Variants in HIP1 observed in about 807,000 individuals in gnomAD.
HIP1 encodes huntingtin-interacting protein 1.
HIP1 carries 65 observed loss-of-function variants against 147.6 expected under a neutral mutation model. The ratio of observed to expected loss-of-function variants is 0.44; its 90% CI spans 0.36 to 0.54. The LOEUF (loss-of-function observed/expected upper bound fraction) is 0.54. Among genes scored for constraint, HIP1 ranks in the 20% least tolerant of loss-of-function variants. The probability of loss-of-function intolerance (pLI) is 0.00; values close to 1 mark genes in which losing one functional copy is unlikely to be tolerated. For missense variants in HIP1, 1,061 were observed against 1,299.6 expected, an observed-to-expected ratio of 0.82 and a Z score of 2.82; for synonymous variants, 479 against 504.0, an observed-to-expected ratio of 0.95 and a Z score of 0.67.
At chr7:75,658,616 G>A (rs548817542) in intron 1 of HIP1, among the ~76,000 whole-genome samples, 5 of 152,014 alleles carry the variant, frequency 3.3e-5, no homozygotes, top group South Asian at 4.2e-4. Context: ...CAGGAAAAAG[G>A]CTGTTAAAAC....
chr7:75,727,973 A>C (rs79044350), intron 1 of HIP1, among the ~76,000 whole-genome samples: 7,795 of 152,184 alleles, frequency 0.051, 203 homozygotes, highest in Middle Eastern at 0.069. Flanking sequence ...ATTTGGGGCC[A>C]GACAAGCCAG....
At chr7:75,570,661 G>T (rs1322805955) in intron 8 of HIP1, among the ~76,000 whole-genome samples, 1 of 152,012 alleles carries the variant, frequency 6.6e-6, no homozygotes, top group South Asian at 2.1e-4. Flanking sequence ...AGAACTCTCG[G>T]TACTATTTTT....
chr7:75,541,530 CAAAA>C (rs200417654), intron 29 of HIP1, among the ~76,000 whole-genome samples: 1 of 117,960 alleles, frequency 8.5e-6, no homozygotes. Flanking sequence ...GACTCCGTCT[CAAAA>C]AAAAAAAAAA....
intron 9 of HIP1, among the ~76,000 whole-genome samples, chr7:75,566,619 C>T (rs1237354712): frequency 3.3e-5 from 5 of 151,354 alleles, no homozygotes; most frequent in South Asian, 2.1e-4. Flanking sequence ...GAGGTGCTTC[C>T]GCCCTTTCCC....
chr7:75,733,523 G>A (rs1236289398), intron 1 of HIP1: 1 of 152,232 alleles, frequency 6.6e-6, no homozygotes, highest in Non-Finnish European at 1.5e-5. Context: ...CACACCAAGG[G>A]TCTGGTTGGA....
At chr7:75,558,371 C>G in intron 14 of HIP1, 116 bp from the exon 15 acceptor site, 1 of 805,162 alleles carries the variant, frequency 1.2e-6, no homozygotes, top group Non-Finnish European at 2.1e-6. Context: ...CAGTCTTGCT[C>G]TGTCACCCAG....
Position 75,729,422 on chromosome 7 carries a change from G to A in HIP1, c.120+9379C>T, listed in dbSNP as rs1001899497. ...GAATCACTTGAGCCCAGGAATTCGA[G>A]GCTGCAGTGAGCTATGATCGCATCA... On this transcript the variant is annotated intron_variant, in intron 1 of 30. Transcript: ENST00000336926. Among the ~76,000 whole-genome samples, 6 of 151,806 alleles carry A rather than the reference G, an allele frequency of 4.0e-5. No homozygotes were observed. The East Asian group carries it at 1.2e-3, about 29-fold the overall frequency.
chr7:75,642,573 G>T (rs1362756959), intron 1 of HIP1, among the ~76,000 whole-genome samples: 1 of 152,044 alleles, frequency 6.6e-6, no homozygotes, highest in East Asian at 1.9e-4. Flanking sequence ...GGTTTATTTG[G>T]TTCTCAATGC....
chr7:75,605,428 C>T (rs1797187294), intron 1 of HIP1, among the ~76,000 whole-genome samples: 1 of 152,098 alleles, frequency 6.6e-6, no homozygotes. Flanking sequence ...TTCTGAGTGG[C>T]AAGAAGAGAT....
At chr7:75,602,743 A>T (rs1797053530) in intron 1 of HIP1, among the ~76,000 whole-genome samples, 1 of 151,564 alleles carries the variant, frequency 6.6e-6, no homozygotes, top group Non-Finnish European at 1.5e-5. Context: ...AAACAGTATA[A>T]CCTCTGTTGT....
At position 75,555,593 on chromosome 7, in the gene HIP1, A is replaced by G. The variant is rs587762178; in HGVS notation, c.1828-42T>C. The G allele has an allele frequency of 6.2e-6, 10 of 1,610,234 alleles. No homozygotes were observed. The South Asian group carries it at 8.8e-5, about 14-fold the overall frequency. Reference sequence around the variant, plus strand: ...GAGGTGAGAGTCTGCCCTAGACTCCATAATGAACCTGAGCAGGATGACCTG... The same window carrying G: ...GAGGTGAGAGTCTGCCCTAGACTCCGTAATGAACCTGAGCAGGATGACCTG... On this transcript the variant is annotated intron_variant, in intron 18 of 30. Coordinates refer to ENST00000336926, the MANE Select transcript of HIP1 (RefSeq NM_005338.7).
At chr7:75,736,068 A>C (rs1802010540) in intron 1 of HIP1, among the ~76,000 whole-genome samples, 1 of 151,668 alleles carries the variant, frequency 6.6e-6, no homozygotes. Context: ...TCCGTCTTAA[A>C]AAAAAAAAAA....
chr7:75,559,694 GC>G (rs781828967), intron 14 of HIP1, 37 bp downstream of exon 14: 5 of 1,352,364 alleles, frequency 3.7e-6, no homozygotes, highest in Admixed American at 4.8e-5. Context: ...GCCCGCGCCT[GC>G]CCCCGGGGCC....
intron 4 of HIP1, among the ~76,000 whole-genome samples, chr7:75,591,182 G>A (rs963220664): frequency 9.2e-5 from 14 of 151,934 alleles, no homozygotes; most frequent in African/African-American, 1.7e-4. Flanking sequence ...ACAGGCACAC[G>A]CCACCACACC....
chr7:75,619,944 T>C (rs2117088594), intron 1 of HIP1, among the ~76,000 whole-genome samples: 1 of 152,352 alleles, frequency 6.6e-6, no homozygotes, highest in East Asian at 1.9e-4. Flanking sequence ...TGTTTCACCG[T>C]GATCACGGGT....
chr7:75,595,227 T>TTCCTTC (rs1563230082), intron 2 of HIP1, among the ~76,000 whole-genome samples: 1 of 102,374 alleles, frequency 9.8e-6, no homozygotes, highest in East Asian at 2.7e-4. Flanking sequence ...TTTCTTTCTT[T>TTCCTTC]CTTTCTTTCT....
chr7:75,662,070 G>C (rs1799336606), intron 1 of HIP1, among the ~76,000 whole-genome samples: 1 of 150,564 alleles, frequency 6.6e-6, no homozygotes, highest in South Asian at 2.1e-4. Flanking sequence ...GCCACAAGGG[G>C]TGAAGGTGGA....
chr7:75,555,980 G>A (rs782737569), intron 18 of HIP1, 46 bp downstream of exon 18: 28 of 1,606,360 alleles, frequency 1.7e-5, no homozygotes, highest in Non-Finnish European at 2.3e-5. Context: ...AGAGGCCCTC[G>A]GTGGGAATTC....
At chr7:75,673,022 AC>A (rs1799773329) in intron 1 of HIP1, among the ~76,000 whole-genome samples, 1 of 108,448 alleles carries the variant, frequency 9.2e-6, no homozygotes, top group African/African-American at 3.9e-5. Flanking sequence ...GAGTCCACCA[AC>A]TTTTTTTTTT....
Sources: gnomAD v4.1 joint callset for allele counts (sites outside exome capture counted in the v4.1 genomes callset) on GRCh38, gnomAD v4.1.1 for gene constraint, MANE v1.5 for transcripts, NCBI Gene and HGNC (gene_info 2026-07-23, HGNC 2026-07-21) for gene names.